The following SH3BGR variants were observed in gnomAD, a reference collection of about 807,000 sequenced individuals.
SH3BGR encodes the protein SH3 domain binding glutamate rich protein, also known as SH3 domain-binding glutamic acid-rich protein.
In SH3BGR, 29 loss-of-function variants were observed where a neutral mutation model predicts 24.5. The observed-to-expected ratio is 1.18, with a 90% CI of 0.88 to 1.61. SH3BGR has a LOEUF of 1.61. Ranked by LOEUF, SH3BGR falls within the 40% of genes most tolerant of loss-of-function variation. SH3BGR has a pLI of 0.00. For synonymous variants in SH3BGR, 55 were observed against 65.7 expected, an observed-to-expected ratio of 0.84 and a Z score of 0.79; for missense variants, 162 against 205.8, an observed-to-expected ratio of 0.79 and a Z score of 1.30.
At chr21:39,480,178 AAT>A (rs1189989798) in intron 3 of SH3BGR, among the ~76,000 whole-genome samples, 2 of 152,218 alleles carry the variant, frequency 1.3e-5, no homozygotes, top group African/African-American at 4.8e-5. Context: ...TTTTTAAAAA[AAT>A]AGTTTTATTG....
upstream of SH3BGR, among the ~76,000 whole-genome samples, chr21:39,450,648 A>C (rs1191981236): frequency 1.3e-5 from 2 of 152,226 alleles, no homozygotes; most frequent in African/African-American, 4.8e-5. Flanking sequence ...TATCTAAGCT[A>C]AATATCCCCC....
intron 3 of SH3BGR, among the ~76,000 whole-genome samples, chr21:39,497,799 C>T (rs2078424559): frequency 6.6e-6 from 1 of 152,120 alleles, no homozygotes; most frequent in South Asian, 2.1e-4. Context: ...TTCTTCTCAA[C>T]ATATTGGTAA....
intron 1 of SH3BGR, among the ~76,000 whole-genome samples, chr21:39,456,372 G>A (rs930248944): frequency 2.0e-5 from 3 of 152,238 alleles, no homozygotes; most frequent in Admixed American, 2.0e-4. Flanking sequence ...CTGAAAAGAT[G>A]TAAGGGAATA....
Position 39,491,155 on chromosome 21 carries a change from C to T in SH3BGR, c.313-8668C>T, listed in dbSNP as rs900151620. ...ATTTCTTTATTTTTTCTATTGGCCT[C>T]CATTTTATTTATTTATTTATTTATT... On this transcript the variant is annotated intron_variant, in intron 3 of 6. Transcript: ENST00000333634. Among the ~76,000 whole-genome samples the T allele has an allele frequency of 6.6e-5, 9 of 136,648 alleles. No individual in the cohort carries two copies. The East Asian group carries it at 2.1e-3, about 32-fold the overall frequency. 89.6% of individuals were successfully genotyped at this position (136,648 alleles called of 152,430 possible).
At chr21:39,473,407 T>C (rs968864335) in intron 2 of SH3BGR, among the ~76,000 whole-genome samples, 28 of 152,210 alleles carry the variant, frequency 1.8e-4, no homozygotes, top group African/African-American at 6.3e-4. Context: ...GATTAGTAAG[T>C]GTGTACTCTG....
rs370476927 is a variant in SH3BGR at position 39,499,284 on chromosome 21, C to G, written c.313-539C>G. ...TGTCTATCTGTCTATCTATCTATGT[C>G]TGTCTGCCTGCCTACCCATCTGTTT... On this transcript the variant is annotated intron_variant, in intron 3 of 6. Transcript: ENST00000333634. Among the ~76,000 whole-genome samples the G allele has an allele frequency of 3.3e-3, 202 of 61,302 alleles. 1 individual carries two copies. Among genetic ancestry groups the G allele is most frequent in the African/African-American group, 7.0e-3 (198 of 28,380 alleles). 40.2% of individuals were successfully genotyped at this position (61,302 alleles called of 152,430 possible).
At position 39,446,004 on chromosome 21, in the gene SH3BGR, G is replaced by A. The variant is rs144092748; in HGVS notation, c.-177G>A. 9.7e-3 allele frequency: 1,477 copies of A among 152,354 alleles called. 12 individuals are homozygous for A. The highest frequency in any genetic ancestry group is 0.016 in the Non-Finnish European group (1,118 of 68,102). 9.4% of individuals were successfully genotyped at this position (152,354 alleles called of 1,614,324 possible). A position where few individuals can be genotyped will look rare whatever the true frequency, so the allele number is the denominator to read the frequency against. ...TCGGCGCCCGGGACCCTGCCTTCCC[G>A]CGTGGCCGCACCGAGACGAGGGAGC... On this transcript the variant is annotated 5_prime_UTR_variant, in exon 1 of 7. Coordinates refer to the SH3BGR transcript ENST00000380631.
chr21:39,512,522 T>C (rs766096231), intron 6 of SH3BGR, among the ~76,000 whole-genome samples: 2 of 152,232 alleles, frequency 1.3e-5, no homozygotes, highest in African/African-American at 2.4e-5. Flanking sequence ...GAACATTTAT[T>C]AAGTGTTAAT....
At chr21:39,497,044 C>T in intron 3 of SH3BGR, among the ~76,000 whole-genome samples, 1 of 151,764 alleles carries the variant, frequency 6.6e-6, no homozygotes, top group Non-Finnish European at 1.5e-5. Flanking sequence ...AACAACTTGA[C>T]TTTCCAAATA....
intron 4 of SH3BGR, among the ~76,000 whole-genome samples, chr21:39,507,510 T>C (rs556170925): frequency 1.3e-5 from 2 of 152,158 alleles, no homozygotes; most frequent in South Asian, 4.1e-4. Context: ...ATTTTATATT[T>C]TTAATAGAGA....
intron 6 of SH3BGR, among the ~76,000 whole-genome samples, chr21:39,512,932 G>A (rs1385267463): frequency 1.3e-5 from 2 of 152,192 alleles, no homozygotes; most frequent in African/African-American, 4.8e-5. Context: ...CTTTGCAACT[G>A]AATTTGAGGC....
chr21:39,512,432 G>A (rs2078712117), intron 6 of SH3BGR, among the ~76,000 whole-genome samples: 1 of 152,178 alleles, frequency 6.6e-6, no homozygotes, highest in African/African-American at 2.4e-5. Flanking sequence ...AGCTCTTGCT[G>A]CCTTCTGGTT....
At chr21:39,470,926 T>TAG (rs1382136370) in intron 2 of SH3BGR, among the ~76,000 whole-genome samples, 3 of 152,184 alleles carry the variant, frequency 2.0e-5, no homozygotes, top group Non-Finnish European at 4.4e-5. Context: ...AAAAAATAGT[T>TAG]TTACTGAGTC....
chr21:39,451,115 C>T (rs745680116), upstream of SH3BGR, among the ~76,000 whole-genome samples: 7 of 152,092 alleles, frequency 4.6e-5, no homozygotes, highest in Admixed American at 3.3e-4. Context: ...GACACTGCCC[C>T]GGACCTTCTC....
chr21:39,477,512 A>AT (rs1465060018), intron 3 of SH3BGR, among the ~76,000 whole-genome samples: 1 of 152,074 alleles, frequency 6.6e-6, no homozygotes, highest in East Asian at 1.9e-4. Context: ...CTCTGCACTG[A>AT]TTTTCACCAT....
At chr21:39,449,533 G>A (rs867293323), upstream of SH3BGR, among the ~76,000 whole-genome samples, 8 of 152,140 alleles carry the variant, frequency 5.3e-5, no homozygotes, top group South Asian at 2.1e-4. Flanking sequence ...TGTTAATTAT[G>A]TTGAAGCTCG....
At chr21:39,448,035 C>G (rs2077531047), upstream of SH3BGR, among the ~76,000 whole-genome samples, 4 of 152,166 alleles carry the variant, frequency 2.6e-5, no homozygotes, top group South Asian at 8.3e-4. Flanking sequence ...GGGACTCCTG[C>G]TATTCCTTGG....
At chr21:39,513,003 T>C (rs2078723501) in intron 6 of SH3BGR, among the ~76,000 whole-genome samples, 1 of 152,166 alleles carries the variant, frequency 6.6e-6, no homozygotes, top group Non-Finnish European at 1.5e-5. Context: ...TAAGCGTTTT[T>C]TAAAAAATTT....
chr21:39,490,083 C>T (rs745451934), intron 3 of SH3BGR, among the ~76,000 whole-genome samples: 8 of 152,074 alleles, frequency 5.3e-5, no homozygotes, highest in Non-Finnish European at 7.4e-5. Flanking sequence ...TGATGGGAAC[C>T]CATGTATTGT....
Sources: allele counts gnomAD v4.1 joint callset (sites outside exome capture counted in the v4.1 genomes callset), GRCh38; gene constraint gnomAD v4.1.1; transcripts MANE v1.5; gene names NCBI Gene and HGNC (gene_info 2026-07-23, HGNC 2026-07-21).